The following OR3A2 variants were observed in gnomAD, a reference collection of about 807,000 sequenced individuals.
OR3A2 encodes the protein olfactory receptor 3A2.
For synonymous variants in OR3A2, 126 were observed against 159.3 expected (o/e 0.79, Z 1.57); for missense variants, 318 against 392.8 (o/e 0.81, Z 1.61).
chr17:3,287,442 T>C (rs1049137600), upstream of OR3A2, among the ~76,000 whole-genome samples: 21 of 152,198 alleles, frequency 1.4e-4, no homozygotes, highest in African/African-American at 5.1e-4. Context: ...ATTGTGTCTA[T>C]ATCTCTGCTG....
intron 2 of OR3A2, among the ~76,000 whole-genome samples, chr17:3,366,750 G>C (rs2049567749): frequency 6.6e-6 from 1 of 152,164 alleles, no homozygotes; most frequent in African/African-American, 2.4e-5. Flanking sequence ...TCTGGGCTTT[G>C]TACTCTGTGC....
At chr17:3,292,688 C>T in intron 3 of OR3A2, 1 of 957,594 alleles carries the variant, frequency 1.0e-6, no homozygotes, top group East Asian at 2.6e-5. Context: ...CGGCCCTCTG[C>T]CACGTTCCCT....
rs1433228660 is a variant in OR3A2, at chr17:3,385,153, C to A, written c.-275+972G>T. The stretch of plus-strand genomic sequence containing the variant: ...AGGTTGCGGTGAGCTGAGATCATGC[C>A]ATTGAACTCCAGCCTGGGCAACAAG... On this transcript the variant is annotated intron_variant, in intron 1 of 4. Transcript: ENST00000573491. Among the ~76,000 whole-genome samples, 4 of 152,210 alleles carry A rather than the reference C, an allele frequency of 2.6e-5. No homozygotes were observed. In the East Asian group the frequency reaches 5.8e-4, roughly 22 times the overall value.
chr17:3,355,117 T>A (rs977142011), intron 2 of OR3A2, among the ~76,000 whole-genome samples: 1 of 151,476 alleles, frequency 6.6e-6, no homozygotes, highest in Non-Finnish European at 1.5e-5. Context: ...CCAAAATTCT[T>A]CTTATTATTG....
At chr17:3,356,320 A>C (rs987743763) in intron 2 of OR3A2, among the ~76,000 whole-genome samples, 2 of 151,530 alleles carry the variant, frequency 1.3e-5, no homozygotes, top group Non-Finnish European at 2.9e-5. Context: ...TACTATTACC[A>C]GTCAGTTTTG....
At chr17:3,280,896 G>A (rs913178625) in intron 1 of OR3A2, among the ~76,000 whole-genome samples, 1 of 152,200 alleles carries the variant, frequency 6.6e-6, no homozygotes, top group Admixed American at 6.5e-5. Context: ...TTGAGTGCAC[G>A]GGTTGGTGGC....
intron 3 of OR3A2, among the ~76,000 whole-genome samples, chr17:3,330,913 G>T (rs1416067755): frequency 6.6e-6 from 1 of 151,816 alleles, no homozygotes; most frequent in Admixed American, 6.6e-5. Flanking sequence ...GCCTGGTGGT[G>T]ACAAAATCTC....
chr17:3,326,007 T>C (rs2049168751), intron 3 of OR3A2, among the ~76,000 whole-genome samples: 1 of 152,096 alleles, frequency 6.6e-6, no homozygotes, highest in African/African-American at 2.4e-5. Flanking sequence ...GCTCTCATAG[T>C]TCATCTCCCG....
upstream of OR3A2, among the ~76,000 whole-genome samples, chr17:3,287,813 G>A (rs181710483): frequency 1.5e-3 from 232 of 151,628 alleles, 1 homozygote; most frequent in Non-Finnish European, 1.8e-3. Context: ...CTGAATTTAT[G>A]TTTTTCTATT....
chr17:3,361,413 T>A (rs230470), intron 2 of OR3A2, among the ~76,000 whole-genome samples: 62,373 of 151,346 alleles, frequency 0.41, 13,519 homozygotes, highest in Admixed American at 0.52. Flanking sequence ...TATTTCTTTC[T>A]CTTACCTGAT....
At chr17:3,279,046 T>C in intron 1 of OR3A2, 30 bp downstream of exon 4, 2 of 1,492,318 alleles carry the variant, frequency 1.3e-6, no homozygotes, top group East Asian at 4.6e-5. Flanking sequence ...CCTCACTCGT[T>C]GACCTCCTCC....
At chr17:3,320,759 C>T (rs960218904) in intron 3 of OR3A2, among the ~76,000 whole-genome samples, 1 of 151,900 alleles carries the variant, frequency 6.6e-6, no homozygotes, top group African/African-American at 2.4e-5. Flanking sequence ...GGTACTAGTA[C>T]CATGCTGTTT....
At chr17:3,350,591 T>C (rs2049411890) in intron 2 of OR3A2, among the ~76,000 whole-genome samples, 1 of 150,460 alleles carries the variant, frequency 6.6e-6, no homozygotes, top group Non-Finnish European at 1.5e-5. Context: ...CACAGCCGAA[T>C]TCTACCAGAG....
rs2049176075 is a variant in OR3A2, at chr17:3,326,594, G to A, written c.-85+9439C>T. ...ATACTTTAAGTTTTAGGGTACATAT[G>A]CACATTGTGCAGGTCAGTTACATAT... is the stretch of plus-strand genomic sequence containing the variant. On this transcript the variant is annotated intron_variant, in intron 3 of 4. Coordinates refer to the OR3A2 transcript ENST00000573491. Among the ~76,000 whole-genome samples the A allele has an allele frequency of 2.0e-5, 3 of 146,714 alleles. No homozygotes were observed. In the South Asian group the frequency reaches 6.6e-4, roughly 32 times the overall value.
At chr17:3,352,067 C>G (rs2049424344) in intron 2 of OR3A2, among the ~76,000 whole-genome samples, 1 of 152,006 alleles carries the variant, frequency 6.6e-6, no homozygotes, top group Admixed American at 6.6e-5. Context: ...TGAGAAATAT[C>G]TATTCTAATC....
intron 2 of OR3A2, among the ~76,000 whole-genome samples, chr17:3,368,648 T>C (rs2049584433): frequency 2.0e-5 from 3 of 152,226 alleles, no homozygotes; most frequent in Admixed American, 2.0e-4. Context: ...CCTTGTAGTA[T>C]AGTTATAAGT....
chr17:3,354,453 T>A, intron 2 of OR3A2, among the ~76,000 whole-genome samples: 1 of 151,356 alleles, frequency 6.6e-6, no homozygotes, highest in East Asian at 1.9e-4. Flanking sequence ...ATGACTTTCA[T>A]CTCATTATTA....
At chr17:3,341,836 C>T (rs1422793377) in intron 2 of OR3A2, among the ~76,000 whole-genome samples, 2 of 152,190 alleles carry the variant, frequency 1.3e-5, no homozygotes, top group South Asian at 4.1e-4. Flanking sequence ...GGAAGTTCTC[C>T]TGGATAATAT....
intron 1 of OR3A2, among the ~76,000 whole-genome samples, chr17:3,384,282 G>C (rs776095468): frequency 2.6e-5 from 4 of 152,190 alleles, no homozygotes; most frequent in Non-Finnish European, 4.4e-5. Flanking sequence ...TTGTTTCTGA[G>C]ATAACTGAAG....
Sources: gnomAD v4.1 joint callset for allele counts (sites outside exome capture counted in the v4.1 genomes callset) on GRCh38, gnomAD v4.1.1 for gene constraint, MANE v1.5 for transcripts, NCBI Gene and HGNC (gene_info 2026-07-23, HGNC 2026-07-21) for gene names.